The following LAMA1 variants were observed in gnomAD, a reference collection of about 807,000 sequenced individuals.
LAMA1 encodes laminin subunit alpha 1.
A neutral mutation model predicts 348.7 loss-of-function variants in LAMA1; 219 were observed. That is an observed-to-expected ratio of 0.63 (90% CI 0.56 to 0.70). The LOEUF (loss-of-function observed/expected upper bound fraction) is 0.70, where lower values mean the gene tolerates loss of function less well. LAMA1 is among the 30% of genes least tolerant of loss of function. The pLI, the probability that LAMA1 is intolerant of heterozygous loss-of-function variation, is 0.00. For missense variants in LAMA1, 3,744 were observed against 3,888.0 expected (o/e 0.96, Z 0.99); for synonymous variants, 1,487 against 1,491.0 (o/e 1.00, Z 0.06).
intron 3 of LAMA1, among the ~76,000 whole-genome samples, chr18:7,078,919 G>A (rs113345797): frequency 0.069 from 10,451 of 152,064 alleles, 515 homozygotes; most frequent in Non-Finnish European, 0.095. Context: ...CCGGGGAGGC[G>A]GAAGTTGCAG....
At chr18:7,095,122 T>TTCTCTC (rs71165720) in intron 1 of LAMA1, among the ~76,000 whole-genome samples, 2,192 of 126,478 alleles carry the variant, frequency 0.017, 18 homozygotes, top group African/African-American at 0.032. Flanking sequence ...CTCAGGACCT[T>TTCTCTC]TCTCTCTCTC....
intron 3 of LAMA1, among the ~76,000 whole-genome samples, chr18:7,073,148 C>G (rs138795599): frequency 6.6e-6 from 1 of 152,326 alleles, no homozygotes; most frequent in Non-Finnish European, 1.5e-5. Context: ...ATTCCTCACA[C>G]TAAATTTGTG....
intron 48 of LAMA1, among the ~76,000 whole-genome samples, chr18:6,971,335 T>C (rs961640364): frequency 2.0e-5 from 3 of 152,220 alleles, no homozygotes; most frequent in Admixed American, 6.5e-5. Flanking sequence ...TCTGGAATTA[T>C]AGAACTTGGT....
intron 46 of LAMA1, 70 bp downstream of exon 46, chr18:6,974,833 A>T (rs1454996582): frequency 2.5e-6 from 4 of 1,574,258 alleles, no homozygotes; most frequent in Non-Finnish European, 3.5e-6. Flanking sequence ...ATATGATGTT[A>T]CAAGCATGTA....
intron 36 of LAMA1, among the ~76,000 whole-genome samples, chr18:6,986,733 C>G (rs1005261883): frequency 1.3e-5 from 2 of 152,142 alleles, no homozygotes; most frequent in African/African-American, 4.8e-5. Context: ...TGACCACAAG[C>G]AGGCACAAGT....
intron 17 of LAMA1, 129 bp from the exon 18 acceptor site, chr18:7,024,595 C>T (rs543578432): frequency 1.7e-5 from 13 of 778,272 alleles, no homozygotes; most frequent in East Asian, 5.4e-5. Context: ...GCTCAGAATC[C>T]GGGGCCTCTG....
chr18:7,032,627 C>T (rs1291773681), intron 15 of LAMA1, among the ~76,000 whole-genome samples: 1 of 152,160 alleles, frequency 6.6e-6, no homozygotes, highest in Non-Finnish European at 1.5e-5. Flanking sequence ...ATAGGGCTGG[C>T]TTGTCTAAAG....
At chr18:6,946,218 C>T (rs2057520802) in intron 61 of LAMA1, among the ~76,000 whole-genome samples, 1 of 152,080 alleles carries the variant, frequency 6.6e-6, no homozygotes, top group Non-Finnish European at 1.5e-5. Context: ...TATGCACAAC[C>T]ACCCAGATGA....
rs181375726 is a variant in LAMA1, at chr18:7,008,080, G to T, written c.4122+408C>A. Among the ~76,000 whole-genome samples the T allele has an allele frequency of 2.5e-3, 376 of 152,178 alleles. 2 individuals are homozygous for T. The highest frequency in any genetic ancestry group is 8.8e-3 in the African/African-American group (367 of 41,510). On this transcript the variant is annotated intron_variant, in intron 28 of 62. Transcript: ENST00000389658. ...CCTGAGTAGCTGGGATTACAGGCAT[G>T]TGCCATGCATATATATATATCATAT...
rs750986893 is a variant in LAMA1, at chr18:7,015,716, G to A, written c.3126+6C>T. 11 of 1,613,360 alleles carry A rather than the reference G, an allele frequency of 6.8e-6. No homozygotes were observed. The highest frequency in any genetic ancestry group is 8.5e-6 in the Non-Finnish European group (10 of 1,179,994). ...GTTAAGCAAGAGCGTGGATGACAGT[G>A]CTCACCTGGCACCCCACCTCCGCAT... On this transcript the variant is annotated splice_donor_region_variant and intron_variant, in intron 22 of 62. Coordinates refer to ENST00000389658, the MANE Select transcript of LAMA1 (RefSeq NM_005559.4).
chr18:7,086,036 C>T (rs1377724539), intron 1 of LAMA1, among the ~76,000 whole-genome samples: 1 of 152,164 alleles, frequency 6.6e-6, no homozygotes, highest in African/African-American at 2.4e-5. Context: ...AGTAACATAT[C>T]TATGATTTAC....
chr18:6,998,218 T>C (rs1365188583), intron 32 of LAMA1, among the ~76,000 whole-genome samples: 1 of 150,840 alleles, frequency 6.6e-6, no homozygotes, highest in African/African-American at 2.4e-5. Context: ...GGTAAGAGAG[T>C]TGAAACAACT....
Position 6,961,778 on chromosome 18 carries a change from G to A in LAMA1, c.7453-19C>T, listed in dbSNP as rs9964082. 17,686 of 1,613,856 alleles carry A rather than the reference G, an allele frequency of 0.011. 1,314 individuals carry two copies. The African/African-American group carries it at 0.18, about 16-fold the overall frequency. The stretch of plus-strand genomic sequence containing the variant: ...GGATGGGCTGGACACAGAGGAGATG[G>A]AACAGCATGGTGAGTTCCTAGCTGC... On this transcript the variant is annotated intron_variant, in intron 52 of 62. Transcript: ENST00000389658.
chr18:7,028,894 T>C (rs1358899518), intron 16 of LAMA1, among the ~76,000 whole-genome samples: 2 of 152,186 alleles, frequency 1.3e-5, no homozygotes. Flanking sequence ...GCTGCTCCTC[T>C]TGGTGTGCAC....
intron 9 of LAMA1, among the ~76,000 whole-genome samples, chr18:7,040,610 G>A (rs186958868): frequency 2.6e-4 from 39 of 152,308 alleles, no homozygotes; most frequent in Non-Finnish European, 4.6e-4. Context: ...TCTTCAAAAT[G>A]TTAAGTTATA....
chr18:7,061,968 G>A (rs549686260), intron 3 of LAMA1, among the ~76,000 whole-genome samples: 1 of 152,290 alleles, frequency 6.6e-6, no homozygotes, highest in African/African-American at 2.4e-5. Flanking sequence ...CCTCCCTTGA[G>A]GACAGGTGGG....
intron 1 of LAMA1, among the ~76,000 whole-genome samples, chr18:7,089,889 A>ATTCATC (rs1372052999): frequency 6.6e-6 from 1 of 152,104 alleles, no homozygotes; most frequent in Non-Finnish European, 1.5e-5. Flanking sequence ...TTGTGGCGAA[A>ATTCATC]TTCATCTTCA....
intron 1 of LAMA1, among the ~76,000 whole-genome samples, chr18:7,101,655 G>C (rs932980475): frequency 6.6e-6 from 1 of 152,080 alleles, no homozygotes; most frequent in African/African-American, 2.4e-5. Flanking sequence ...CCAAAAAGTG[G>C]ATACACGTTT....
intron 1 of LAMA1, among the ~76,000 whole-genome samples, chr18:7,115,428 C>T (rs2058351524): frequency 6.6e-6 from 1 of 152,062 alleles, no homozygotes. Flanking sequence ...TCACTTGAAA[C>T]TCATTAAATT....
Sources: allele counts gnomAD v4.1 joint callset (sites outside exome capture counted in the v4.1 genomes callset), GRCh38; gene constraint gnomAD v4.1.1; transcripts MANE v1.5; gene names NCBI Gene and HGNC (gene_info 2026-07-23, HGNC 2026-07-21).